Variants in HSPA4 observed in about 807,000 individuals in gnomAD.
The protein encoded by HSPA4 is heat shock protein family A (Hsp70) member 4, also known as heat shock 70 kDa protein 4.
Under a neutral mutation model 106.2 loss-of-function variants are expected in HSPA4, and 25 were observed. That is an observed-to-expected ratio of 0.24 (90% CI 0.17 to 0.33). The LOEUF is 0.33. Ranked by LOEUF, HSPA4 falls within the 10% of genes least tolerant of loss-of-function variation. HSPA4 has a pLI of 1.00. For synonymous variants in HSPA4, 332 were observed against 333.6 expected (o/e 1.00, Z 0.05); for missense variants, 841 against 996.0 (o/e 0.84, Z 2.10).
At chr5:133,076,259 C>G (rs1765445018) in intron 6 of HSPA4, 1 of 172,210 alleles carries the variant, frequency 5.8e-6, no homozygotes, top group Non-Finnish European at 1.3e-5. Flanking sequence ...TTTTGTGATA[C>G]TGAGTAGACT....
At chr5:133,097,549 C>CTTTTTT (rs551499462) in intron 15 of HSPA4, among the ~76,000 whole-genome samples, 25 of 127,556 alleles carry the variant, frequency 2.0e-4, no homozygotes, top group Non-Finnish European at 2.6e-4. Flanking sequence ...CTTTTCTTTT[C>CTTTTTT]TTTTTTTTTT....
At position 133,052,183 on chromosome 5, in the gene HSPA4, C is replaced by A; in HGVS notation, c.-68C>A. The stretch of plus-strand genomic sequence containing the variant: ...AGAGGCCTGCTTTCCACTCGCTAGC[C>A]CCGCCGGGGGTCCGTGTCCTGTCTC... On this transcript the variant is annotated 5_prime_UTR_variant, in exon 1 of 19. Coordinates refer to ENST00000304858, the MANE Select transcript of HSPA4 (RefSeq NM_002154.4). The A allele has an allele frequency of 8.9e-7, 1 of 1,122,646 alleles. No individual in the cohort carries two copies. The highest frequency in any genetic ancestry group is 1.3e-6 in the Non-Finnish European group (1 of 773,956). 69.5% of individuals were successfully genotyped at this position (1,122,646 alleles called of 1,614,324 possible).
chr5:133,088,594 C>A (rs377418104), intron 9 of HSPA4, 39 bp downstream of exon 9: 5 of 1,559,024 alleles, frequency 3.2e-6, no homozygotes, highest in South Asian at 1.1e-5. Flanking sequence ...ATTTATAAAT[C>A]ATTGTAACAA....
At position 133,091,091 on chromosome 5, in the gene HSPA4, G is replaced by A. The variant is rs568963305; in HGVS notation, c.1379-102G>A. ...CTTATTTTAAGCATCATGTTACTGA[G>A]CTATCATTGAAAGTAGACATAATCT... is the stretch of plus-strand genomic sequence containing the variant. On this transcript the variant is annotated intron_variant, in intron 11 of 18. Transcript: ENST00000304858. The A allele has an allele frequency of 7.3e-6, 7 of 963,094 alleles. No individual in the cohort carries two copies. The African/African-American group carries it at 9.6e-5, about 13-fold the overall frequency. The allele number at this position is 963,094 out of a possible 1,614,324, so 59.7% of individuals were successfully genotyped here.
intron 1 of HSPA4, among the ~76,000 whole-genome samples, chr5:133,059,474 A>T (rs1468289644): frequency 6.7e-6 from 1 of 150,112 alleles, no homozygotes; most frequent in South Asian, 2.1e-4. Context: ...TTAGCTAGGC[A>T]TGGTGGTACA....
chr5:133,053,496 GC>G (rs1765111001), intron 1 of HSPA4, among the ~76,000 whole-genome samples: 1 of 151,764 alleles, frequency 6.6e-6, no homozygotes, highest in South Asian at 2.1e-4. Context: ...TTGCAGGCGT[GC>G]GCCACCATGC....
intron 6 of HSPA4, 66 bp from the exon 7 acceptor site, chr5:133,076,588 A>C: frequency 1.4e-6 from 2 of 1,404,316 alleles, no homozygotes; most frequent in Non-Finnish European, 2.0e-6. Context: ...TTACCAGGTA[A>C]ATATATATCA....
chr5:133,059,991 C>T (rs1390114413), intron 1 of HSPA4, among the ~76,000 whole-genome samples: 2 of 151,706 alleles, frequency 1.3e-5, no homozygotes, highest in Non-Finnish European at 2.9e-5. Flanking sequence ...TGTCAAAATC[C>T]TCAATAATTC....
chr5:133,093,391 A>C (rs1042299864), intron 13 of HSPA4, among the ~76,000 whole-genome samples: 2 of 152,214 alleles, frequency 1.3e-5, no homozygotes, highest in Non-Finnish European at 2.9e-5. Flanking sequence ...TGAATGGCTT[A>C]TACTAAGTCT....
intron 1 of HSPA4, among the ~76,000 whole-genome samples, chr5:133,057,291 TCTC>T (rs899922554): frequency 6.6e-6 from 1 of 152,200 alleles, no homozygotes. Context: ...AAGCTCATTT[TCTC>T]CTATTGTTGA....
chr5:133,070,940 CT>C (rs1765373464), intron 4 of HSPA4, among the ~76,000 whole-genome samples: 1 of 151,998 alleles, frequency 6.6e-6, no homozygotes, highest in African/African-American at 2.4e-5. Context: ...TCTTCATTTT[CT>C]TACTCTCTTC....
chr5:133,097,071 A>G (rs1046022060), intron 14 of HSPA4, 90 bp from the exon 15 acceptor site: 34 of 1,041,894 alleles, frequency 3.3e-5, no homozygotes, highest in Non-Finnish European at 4.3e-5. Flanking sequence ...GATTTGGGGA[A>G]GAAAGAGTCT....
At chr5:133,064,869 G>T in intron 1 of HSPA4, 111 bp from the exon 2 acceptor site, 2 of 941,440 alleles carry the variant, frequency 2.1e-6, no homozygotes, top group Non-Finnish European at 3.4e-6. Flanking sequence ...TCATAGATTT[G>T]TACCATTAAA....
chr5:133,074,506 G>A (rs1244500129), intron 6 of HSPA4, among the ~76,000 whole-genome samples: 3 of 152,150 alleles, frequency 2.0e-5, no homozygotes, highest in Non-Finnish European at 2.9e-5. Context: ...TCGAACTCCC[G>A]ACCTGAGGTG....
intron 1 of HSPA4, among the ~76,000 whole-genome samples, chr5:133,061,283 T>A (rs1228806968): frequency 6.6e-6 from 1 of 151,796 alleles, no homozygotes; most frequent in Non-Finnish European, 1.5e-5. Flanking sequence ...CCACCATGCC[T>A]GGCTAATTTT....
chr5:133,085,519 C>G (rs115846120), intron 7 of HSPA4, among the ~76,000 whole-genome samples: 2,435 of 115,344 alleles, frequency 0.021, 64 homozygotes, highest in African/African-American at 0.088. Flanking sequence ...ATTAGCCGGG[C>G]GTAGGTGGTG....
At chr5:133,059,525 A>G (rs1765210166) in intron 1 of HSPA4, among the ~76,000 whole-genome samples, 1 of 151,260 alleles carries the variant, frequency 6.6e-6, no homozygotes, top group East Asian at 1.9e-4. Flanking sequence ...AGGTAGGAGG[A>G]TTGCTTGAGC....
At chr5:133,084,063 A>G (rs1297467355) in intron 7 of HSPA4, among the ~76,000 whole-genome samples, 1 of 152,178 alleles carries the variant, frequency 6.6e-6, no homozygotes, top group Non-Finnish European at 1.5e-5. Context: ...AACTAATGCC[A>G]TTATTATGAA....
intron 7 of HSPA4, among the ~76,000 whole-genome samples, chr5:133,077,656 T>C (rs983405790): frequency 1.3e-5 from 2 of 151,900 alleles, no homozygotes; most frequent in Non-Finnish European, 2.9e-5. Flanking sequence ...CTACCCAGAG[T>C]GTTATTGTTG....
Sources: allele counts gnomAD v4.1 joint callset (sites outside exome capture counted in the v4.1 genomes callset), GRCh38; gene constraint gnomAD v4.1.1; transcripts MANE v1.5; gene names NCBI Gene and HGNC (gene_info 2026-07-23, HGNC 2026-07-21).